PSG3: variants seen among roughly 807,000 people sequenced by gnomAD.
PSG3 encodes pregnancy specific beta-1-glycoprotein 3.
PSG3 carries 61 observed loss-of-function variants against 47.5 expected under a neutral mutation model. That is an observed-to-expected ratio of 1.28 (90% CI 1.05 to 1.59). The LOEUF is 1.59. PSG3 is among the 40% of genes most tolerant of loss of function. PSG3 has a pLI of 0.00. For synonymous variants in PSG3, 263 were observed against 198.4 expected (o/e 1.33, Z -2.74); for missense variants, 756 against 524.0 (o/e 1.44, Z -4.32).
intron 5 of PSG3, among the ~76,000 whole-genome samples, chr19:42,725,954 A>G (rs966804872): frequency 1.3e-5 from 2 of 151,770 alleles, no homozygotes; most frequent in Non-Finnish European, 2.9e-5. Flanking sequence ...TAATAAACTA[A>G]TGATTATGAA....
chr19:42,721,721 G>A lies in PSG3; in HGVS notation c.*410C>T. Reference sequence around the variant, plus strand: ...TTCCCAATTCTGGGGCACTTAGGGAGCAAAAGCAAATGTTTCAATTTTTGT... The same window carrying A: ...TTCCCAATTCTGGGGCACTTAGGGAACAAAAGCAAATGTTTCAATTTTTGT... On this transcript the variant is annotated 3_prime_UTR_variant, in exon 7 of 7. Coordinates refer to ENST00000327495, the MANE Select transcript of PSG3 (RefSeq NM_021016.4). 1 of 373,266 alleles carries A rather than the reference G, an allele frequency of 2.7e-6. No homozygotes were observed. Among genetic ancestry groups the A allele is most frequent in the East Asian group, 3.9e-5 (1 of 25,786 alleles). The allele number at this position is 373,266 out of a possible 1,614,324, so 23.1% of individuals were successfully genotyped here.
Position 42,733,038 on chromosome 19 carries a change from G to C in PSG3, c.455C>G (p.Ser152Cys), listed in dbSNP as rs1183028586. Residue 152 changes from serine to cysteine, a missense_variant, in exon 3 of 7, where the codon TCC becomes TGC. Transcript: ENST00000327495. ...LYLETPKPSISSSNLYPREDM... is the reference protein window; with the variant it reads ...LYLETPKPSICSSNLYPREDM... ...CTCCCTGGGGTATAAGTTGCTGCTG[G>C]AGATGGAGGGCTTGGGAGTCTCCAC... The C allele has an allele frequency of 1.2e-6, 2 of 1,614,132 alleles. No individual in the cohort carries two copies. The highest frequency in any genetic ancestry group is 1.7e-6 in the Non-Finnish European group (2 of 1,179,998).
chr19:42,738,543 G>A (rs1261525465), intron 2 of PSG3, among the ~76,000 whole-genome samples, 181 bp downstream of exon 2: 1 of 152,204 alleles, frequency 6.6e-6, no homozygotes, highest in African/African-American at 2.4e-5. Flanking sequence ...CTGGATGCGG[G>A]AAAGGAATTC....
In PSG3 at chr19:42,733,022, G is replaced by T. The variant is rs778628769; in HGVS notation, c.471C>A (p.Tyr157Ter). The change falls in exon 3 of 7, where the codon TAC (tyrosine) becomes TAA (stop). Residue 157 changes from tyrosine to a stop codon, truncating the protein, a stop_gained. Transcript: ENST00000327495. LOFTEE classifies it high-confidence loss of function. Reference protein sequence around the residue: ...PKPSISSSNLYPREDMEAVSL... With the variant: ...PKPSISSSNL ...TCACAGCCTCCATGTCCTCCCTGGGGTATAAGTTGCTGCTGGAGATGGAGG... is the reference window on the plus strand; with the variant it reads ...TCACAGCCTCCATGTCCTCCCTGGGTTATAAGTTGCTGCTGGAGATGGAGG... 8 of 1,614,160 alleles carry T rather than the reference G, an allele frequency of 5.0e-6. No homozygotes were observed. The highest frequency in any genetic ancestry group is 6.8e-6 in the Non-Finnish European group (8 of 1,180,028).
intron 5 of PSG3, 146 bp downstream of exon 5, chr19:42,728,977 A>G (rs1063006): frequency 1.3e-6 from 2 of 1,558,316 alleles, no homozygotes; most frequent in East Asian, 2.2e-5. Context: ...GTAGAGACAA[A>G]TTGGGAGGGT....
At chr19:42,738,620 A>G in intron 2 of PSG3, 104 bp downstream of exon 2, 3 of 1,601,252 alleles carry the variant, frequency 1.9e-6, no homozygotes, top group Non-Finnish European at 2.6e-6. Context: ...AGCATGGGAC[A>G]TAATGCAGAG....
At chr19:42,735,730 AGG>A (rs1969552939) in intron 2 of PSG3, among the ~76,000 whole-genome samples, 2 of 152,216 alleles carry the variant, frequency 1.3e-5, no homozygotes, top group African/African-American at 4.8e-5. Context: ...GTTAGAACCG[AGG>A]AACAAATTTC....
At chr19:42,740,247 G>A (rs966640388) in intron 1 of PSG3, 74 bp downstream of exon 1, 100 of 1,612,138 alleles carry the variant, frequency 6.2e-5, no homozygotes, top group Non-Finnish European at 5.9e-5. Flanking sequence ...AGAACCCCAG[G>A]AGTCTCTCCA....
intron 5 of PSG3, among the ~76,000 whole-genome samples, chr19:42,727,328 A>C (rs1969393425): frequency 6.6e-6 from 1 of 152,184 alleles, no homozygotes; most frequent in African/African-American, 2.4e-5. Flanking sequence ...AAAGCAACCC[A>C]CGAAATGATA....
chr19:42,739,826 A>G (rs1455837482), intron 1 of PSG3, among the ~76,000 whole-genome samples: 3 of 152,194 alleles, frequency 2.0e-5, no homozygotes, highest in Admixed American at 2.0e-4. Flanking sequence ...AGAACACTTA[A>G]GATTTTCCTA....
rs1568745185 is a variant in PSG3, at chr19:42,723,947, AG to A, written c.*34del. Reference sequence around the variant, plus strand: ...AAGAGGAAAGGTCATCATACCTGCCAGTCTTCCTGAAATACAGAAATGACAT... The same window carrying A: ...AAGAGGAAAGGTCATCATACCTGCCATCTTCCTGAAATACAGAAATGACAT... On this transcript the variant is annotated 3_prime_UTR_variant, in exon 6 of 7. Coordinates refer to ENST00000327495, the MANE Select transcript of PSG3 (RefSeq NM_021016.4). 1.3e-6 allele frequency: 2 copies of A among 1,583,652 alleles called. No individual in the cohort carries two copies. The highest frequency in any genetic ancestry group is 1.7e-6 in the Non-Finnish European group (2 of 1,152,440).
chr19:42,738,727 A>T lies in PSG3; in HGVS notation c.427T>A (p.Tyr143Asn). 6.2e-7 allele frequency: 1 copy of T among 1,613,788 alleles called. No individual in the cohort carries two copies. Among genetic ancestry groups the T allele is most frequent in the East Asian group, 2.2e-5 (1 of 44,870 alleles). ...GETGHFTFTLYLETPKPSISS... is the reference protein window; with the variant it reads ...GETGHFTFTLNLETPKPSISS... Reference sequence around the variant, plus strand: ...GTGATCACGTGGAGTCACTCACGGTATAAGGTGAAGGTGAAATGTCCAGTT... The same window carrying T: ...GTGATCACGTGGAGTCACTCACGGTTTAAGGTGAAGGTGAAATGTCCAGTT... The change falls in exon 2 of 7, where the codon TAC (tyrosine) becomes AAC (asparagine). Residue 143 changes from tyrosine to asparagine, a missense_variant. Tyr to Asn is a moderately radical substitution (Grantham distance 143). Transcript: ENST00000327495.
chr19:42,740,293 G>T lies in PSG3; in HGVS notation c.64+28C>A, dbSNP rs775255092. ...TCCAGTCACTCTGCTTCCTCCTCCT[G>T]TCCTCTCCCAGGAAGTTCTCTCCTC... On this transcript the variant is annotated intron_variant, in intron 1 of 6. Transcript: ENST00000327495. The T allele has an allele frequency of 4.3e-6, 7 of 1,613,696 alleles. No individual in the cohort carries two copies. In the South Asian group the frequency reaches 5.5e-5, roughly 13 times the overall value.
At chr19:42,729,447 G>A in intron 4 of PSG3, 70 bp from the exon 5 acceptor site, 1 of 1,555,346 alleles carries the variant, frequency 6.4e-7, no homozygotes. Context: ...TCTCTTAAAG[G>A]GACACAGTGA....
Position 42,740,301 on chromosome 19 carries a change from C to T in PSG3, c.64+20G>A, listed in dbSNP as rs1182294110. The T allele has an allele frequency of 2.5e-6, 4 of 1,613,758 alleles. No individual in the cohort carries two copies. The African/African-American group carries it at 5.3e-5, about 22-fold the overall frequency. On this transcript the variant is annotated intron_variant, in intron 1 of 6. Coordinates refer to ENST00000327495, the MANE Select transcript of PSG3 (RefSeq NM_021016.4). ...CTCTGCTTCCTCCTCCTGTCCTCTC[C>T]CAGGAAGTTCTCTCCTCACCTGTGA...
chr19:42,740,456 T>C lies in PSG3; in HGVS notation c.-72A>G. 6.2e-7 allele frequency: 1 copy of C among 1,612,974 alleles called. No individual in the cohort carries two copies. Among genetic ancestry groups the C allele is most frequent in the Non-Finnish European group, 8.5e-7 (1 of 1,179,518 alleles). On this transcript the variant is annotated 5_prime_UTR_variant, in exon 1 of 7. Transcript: ENST00000327495. ...TCCAGAAACTTCCTGAGCATGGCTC[T>C]CAGCTGTGCTGTCCTTCCTCCTTCT...
chr19:42,725,817 T>A (rs542039510), intron 5 of PSG3, among the ~76,000 whole-genome samples: 5 of 143,070 alleles, frequency 3.5e-5, no homozygotes, highest in East Asian at 2.1e-4. Context: ...TGAGCCATAA[T>A]CACACCACTG....
At chr19:42,724,838 A>C (rs767667999) in intron 5 of PSG3, among the ~76,000 whole-genome samples, 22 of 151,752 alleles carry the variant, frequency 1.4e-4, no homozygotes, top group Non-Finnish European at 1.5e-4. Context: ...GTAGTCAGTA[A>C]CCATGTCCTA....
At chr19:42,722,188 C>T (rs1694627521) in intron 6 of PSG3, 98 bp from the exon 7 acceptor site, 2 of 400,268 alleles carry the variant, frequency 5.0e-6, no homozygotes, top group Non-Finnish European at 8.9e-6. Flanking sequence ...ACTTCTGTGG[C>T]ATATGACACT....
Sources: allele counts gnomAD v4.1 joint callset (sites outside exome capture counted in the v4.1 genomes callset), GRCh38; gene constraint gnomAD v4.1.1; transcripts MANE v1.5; gene names NCBI Gene and HGNC (gene_info 2026-07-23, HGNC 2026-07-21).